Variants in ACSM5 observed in about 807,000 individuals in gnomAD.
The protein encoded by ACSM5 is acyl-coenzyme A synthetase ACSM5, mitochondrial.
A neutral mutation model predicts 71.6 loss-of-function variants in ACSM5; 56 were observed. The ratio of observed to expected loss-of-function variants is 0.78; its 90% CI spans 0.63 to 0.98. The LOEUF (loss-of-function observed/expected upper bound fraction) is 0.98. Among genes scored for constraint, ACSM5 ranks in the 50% least tolerant of loss-of-function variants. The probability of loss-of-function intolerance (pLI) is 0.00; values close to 1 mark genes in which losing one functional copy is unlikely to be tolerated. For synonymous variants in ACSM5, 285 were observed against 281.5 expected (o/e 1.01, Z -0.12); for missense variants, 723 against 726.0 (o/e 1.00, Z 0.05).
intron 4 of ACSM5, among the ~76,000 whole-genome samples, chr16:20,420,390 C>T (rs1180915802): frequency 6.6e-6 from 1 of 152,184 alleles, no homozygotes; most frequent in African/African-American, 2.4e-5. Flanking sequence ...CACCCGAGGT[C>T]GGGAGTTTGA....
intron 2 of ACSM5, among the ~76,000 whole-genome samples, chr16:20,415,245 G>A (rs950709391): frequency 1.3e-5 from 2 of 152,202 alleles, no homozygotes; most frequent in South Asian, 2.1e-4. Context: ...AGACATTAAA[G>A]TTAGGATATT....
At chr16:20,417,969 A>G (rs1596612574) in intron 2 of ACSM5, 90 bp from the exon 3 acceptor site, 2 of 1,256,410 alleles carry the variant, frequency 1.6e-6, no homozygotes, top group East Asian at 2.5e-5. Context: ...TGAATTTTAT[A>G]TTAACTATTA....
chr16:20,427,813 C>A lies in ACSM5; in HGVS notation c.947C>A (p.Thr316Asn). ...ACTCTCTCCAAATTCCCGATAACCA[C>A]CCTCTGCTGTGTCCCAACCATCTTT... The part of the protein sequence containing the change: ...LNTLSKFPIT[T>N]LCCVPTIFRL... The change falls in exon 7 of 14, where the codon ACC (threonine) becomes AAC (asparagine). Residue 316 changes from threonine to asparagine, a missense_variant. Physicochemically the swap from Thr to Asn is moderately conservative, Grantham distance 65 (BLOSUM62 0). Coordinates refer to ENST00000331849, the MANE Select transcript of ACSM5 (RefSeq NM_017888.3). The A allele has an allele frequency of 1.9e-6, 3 of 1,613,936 alleles. No homozygotes were observed. Among genetic ancestry groups the A allele is most frequent in the South Asian group, 1.1e-5 (1 of 91,082 alleles).
In ACSM5 at chr16:20,427,788, A is replaced by C; in HGVS notation, c.922A>C (p.Thr308Pro). 1 of 1,610,540 alleles carries C rather than the reference A, an allele frequency of 6.2e-7. No individual in the cohort carries two copies. Among genetic ancestry groups the C allele is most frequent in the Non-Finnish European group, 8.5e-7 (1 of 1,177,234 alleles). Residue 308 changes from threonine to proline, a missense_variant and splice_region_variant, in exon 7 of 14, where the codon ACT becomes CCT. Physicochemically the swap from Thr to Pro is conservative, Grantham distance 38 (BLOSUM62 -1). Transcript: ENST00000331849. ...TCTTTCACCCTTTGTTTTTGTTTAG[A>C]CTCTCTCCAAATTCCCGATAACCAC... ...PRVDAKVILNTLSKFPITTLC... is the reference protein window; with the variant it reads ...PRVDAKVILNPLSKFPITTLC...
At chr16:20,425,842 A>G (rs1042194008) in intron 6 of ACSM5, among the ~76,000 whole-genome samples, 1 of 151,854 alleles carries the variant, frequency 6.6e-6, no homozygotes, top group African/African-American at 2.4e-5. Flanking sequence ...ATTTATGGGC[A>G]TTTGGGTTTG....
intron 2 of ACSM5, 129 bp downstream of exon 2, chr16:20,411,817 T>C (rs1214581362): frequency 1.6e-5 from 15 of 944,930 alleles, no homozygotes; most frequent in Non-Finnish European, 2.4e-5. Flanking sequence ...AGTTCTAAAA[T>C]GTAAACTGTT....
Position 20,418,226 on chromosome 16 carries a change from G to A in ACSM5, c.372G>A (p.Arg124=). The A allele has an allele frequency of 2.5e-6, 4 of 1,612,330 alleles. No individual in the cohort carries two copies. The highest frequency in any genetic ancestry group is 2.1e-4 in the Middle Eastern group (1 of 4,790). The change falls in exon 3 of 14, where the codon CGG becomes CGA. Residue 124 remains arginine, a synonymous_variant. Transcript: ENST00000331849. ...ACAGAATGATGCTGGTACTCCCACG[G>A]CTCCCGGAGTGGTGGCTGGTCAGTG... The part of the protein sequence containing the change: ...PGDRMMLVLP[R]LPEWWLVSVA...
chr16:20,410,875 GTAAAGTC>G (rs926773971), intron 1 of ACSM5, among the ~76,000 whole-genome samples: 3 of 151,996 alleles, frequency 2.0e-5, no homozygotes, highest in African/African-American at 7.2e-5. Flanking sequence ...GTTTGTAAGG[GTAAAGTC>G]TATTTCAGAT....
rs762987573 is a variant in ACSM5, at chr16:20,437,331, G to C, written c.1500G>C (p.Ser500=). 108 of 1,613,794 alleles carry C rather than the reference G, an allele frequency of 6.7e-5. No individual in the cohort carries two copies. The highest frequency in any genetic ancestry group is 8.5e-5 in the Non-Finnish European group (100 of 1,179,988). The change falls in exon 12 of 14, where the codon TCG becomes TCC. Residue 500 remains serine, a synonymous_variant. Transcript: ENST00000331849. ...CAGAGCATCCTGCTGTCCTGGAGTCGGCTGTGGTCAGCAGCCCAGACCCCA... is the reference window on the plus strand; with the variant it reads ...CAGAGCATCCTGCTGTCCTGGAGTCCGCTGTGGTCAGCAGCCCAGACCCCA... ...ALAEHPAVLE[S]AVVSSPDPIR... is the part of the protein sequence containing the mutation.
intron 4 of ACSM5, among the ~76,000 whole-genome samples, chr16:20,420,652 G>A (rs1017912857): frequency 6.6e-6 from 1 of 152,162 alleles, no homozygotes; most frequent in African/African-American, 2.4e-5. Flanking sequence ...GCTGTCAGGT[G>A]GGCCTAGATC....
chr16:20,409,772 G>T (rs1966843846), intron 1 of ACSM5, 107 bp downstream of exon 1: 1 of 152,112 alleles, frequency 6.6e-6, no homozygotes, highest in African/African-American at 2.4e-5. Context: ...ATGGGAAGGA[G>T]GCCTGGGGAT....
chr16:20,414,418 A>T (rs1966852840), intron 2 of ACSM5, among the ~76,000 whole-genome samples: 1 of 152,224 alleles, frequency 6.6e-6, no homozygotes, highest in Non-Finnish European at 1.5e-5. Context: ...GCCACGATCC[A>T]AGGAATGTGA....
At position 20,418,263 on chromosome 16, in the gene ACSM5, C is replaced by T. The variant is rs148458265; in HGVS notation, c.409C>T (p.Arg137Trp). 84 of 1,609,624 alleles carry T rather than the reference C, an allele frequency of 5.2e-5. No individual in the cohort carries two copies. In the African/African-American group the frequency reaches 8.8e-4, roughly 17 times the overall value. Residue 137 changes from arginine (R) to tryptophan (W), a missense_variant, in exon 3 of 14, where the codon CGG (arginine) becomes TGG (tryptophan). Transcript: ENST00000331849. ...EWWLVSVACM[R>W]TGTVMIPGVT... ...GTGGCTGGTCAGTGTGGCTTGCATGCGGACAGGTCAGTAAGCAGGGCTGGG... is the reference window on the plus strand; with the variant it reads ...GTGGCTGGTCAGTGTGGCTTGCATGTGGACAGGTCAGTAAGCAGGGCTGGG...
In ACSM5 at chr16:20,432,096, A is replaced by G. The variant is rs547366439; in HGVS notation, c.1308+775A>G. Reference sequence around the variant, plus strand: ...GTCCAAGTTTCTGGGATAATTCAGTAACTGCTTCTCTTTTGTATTCATCTT... The same window carrying G: ...GTCCAAGTTTCTGGGATAATTCAGTGACTGCTTCTCTTTTGTATTCATCTT... On this transcript the variant is annotated intron_variant, in intron 10 of 13. Coordinates refer to ENST00000331849, the MANE Select transcript of ACSM5 (RefSeq NM_017888.3). Among the ~76,000 whole-genome samples the G allele has an allele frequency of 7.4e-4, 113 of 152,260 alleles. 1 individual carries two copies. The highest frequency in any genetic ancestry group is 2.4e-3 in the African/African-American group (101 of 41,554).
intron 10 of ACSM5, among the ~76,000 whole-genome samples, chr16:20,434,176 T>C (rs115078472): frequency 0.01 from 1,533 of 152,294 alleles, 20 homozygotes; most frequent in African/African-American, 0.035. Context: ...TTGTGTCTTA[T>C]AAAATCATTT....
intron 4 of ACSM5, among the ~76,000 whole-genome samples, chr16:20,420,616 A>C (rs946113187): frequency 1.3e-5 from 2 of 152,150 alleles, no homozygotes; most frequent in African/African-American, 4.8e-5. Flanking sequence ...CAAAACAAAA[A>C]AAAATCGGCT....
intron 1 of ACSM5, among the ~76,000 whole-genome samples, chr16:20,410,314 G>A (rs1966845188): frequency 6.6e-6 from 1 of 152,176 alleles, no homozygotes; most frequent in South Asian, 2.1e-4. Flanking sequence ...CCGGGCCAGT[G>A]CCTCTCAAAC....
chr16:20,424,583 C>T (rs1966941487), intron 6 of ACSM5, among the ~76,000 whole-genome samples: 1 of 152,194 alleles, frequency 6.6e-6, no homozygotes, highest in African/African-American at 2.4e-5. Flanking sequence ...TCAGAGGACA[C>T]TTCTGCTCAT....
intron 10 of ACSM5, among the ~76,000 whole-genome samples, chr16:20,434,495 A>G (rs1967157041): frequency 6.6e-6 from 1 of 152,164 alleles, no homozygotes; most frequent in Admixed American, 6.5e-5. Flanking sequence ...GGAGTTCGAG[A>G]CCAGCCTGAC....
Sources: gnomAD v4.1 joint callset for allele counts (sites outside exome capture counted in the v4.1 genomes callset) on GRCh38, gnomAD v4.1.1 for gene constraint, MANE v1.5 for transcripts, NCBI Gene and HGNC (gene_info 2026-07-23, HGNC 2026-07-21) for gene names.